CTSS: variants seen among roughly 807,000 people sequenced by gnomAD.
The protein encoded by CTSS is cathepsin S.
In CTSS, 15 loss-of-function variants were observed where a neutral mutation model predicts 39.9. The ratio of observed to expected loss-of-function variants is 0.38; its 90% confidence interval spans 0.25 to 0.58. The LOEUF is 0.58. CTSS is among the 20% of genes least tolerant of loss of function. The probability of loss-of-function intolerance (pLI) is 0.70; values close to 1 mark genes in which losing one functional copy is unlikely to be tolerated. For missense variants in CTSS, 250 were observed against 398.2 expected (o/e 0.63, Z 3.17); for synonymous variants, 126 against 138.2 (o/e 0.91, Z 0.62).
Position 150,733,146 on chromosome 1 carries a change from C to T in CTSS, c.897-1G>A. 2 of 1,604,606 alleles carry T rather than the reference C, an allele frequency of 1.2e-6. No individual in the cohort carries two copies. The highest frequency in any genetic ancestry group is 1.7e-6 in the Non-Finnish European group (2 of 1,174,488). ...TTCTTCACCAAAGTTGTGGCCCCAG[C>T]TTTAGAAAAAGAAATAATACAAAAT... On this transcript the variant is annotated splice_acceptor_variant, in intron 7 of 7. Coordinates refer to ENST00000368985, the MANE Select transcript of CTSS (RefSeq NM_004079.5). LOFTEE classifies it high-confidence loss of function.
chr1:150,763,043 G>A (rs1032977498), intron 2 of CTSS, among the ~76,000 whole-genome samples: 5 of 151,110 alleles, frequency 3.3e-5, no homozygotes, highest in African/African-American at 4.9e-5. Flanking sequence ...ATTAAAAGAC[G>A]AATGGATAAA....
chr1:150,748,012 C>T, intron 6 of CTSS, 133 bp from the exon 7 acceptor site: 2 of 623,772 alleles, frequency 3.2e-6, no homozygotes, highest in East Asian at 3.1e-5. Flanking sequence ...AAGGACATGT[C>T]CAGGCATGGT....
In CTSS at chr1:150,747,902, A is replaced by G. The variant is rs587756697; in HGVS notation, c.794-23T>C. ...CACCTGAGAATCAAATATGGGTGGG[A>G]AAAAAGAGTGAATACTATAGGATAA... is the stretch of plus-strand genomic sequence containing the variant. On this transcript the variant is annotated intron_variant, in intron 6 of 7. Transcript: ENST00000368985. 62 of 1,462,346 alleles carry G rather than the reference A, an allele frequency of 4.2e-5. No individual in the cohort carries two copies. In the African/African-American group the frequency reaches 7.2e-4, roughly 17 times the overall value. The allele number at this position is 1,462,346 out of a possible 1,614,324, so 90.6% of individuals were successfully genotyped here.
chr1:150,749,570 T>TCACCCCGCCCCGCCC (rs1553193891), intron 6 of CTSS, among the ~76,000 whole-genome samples: 4 of 50,638 alleles, frequency 7.9e-5, no homozygotes, highest in Non-Finnish European at 1.2e-4. Flanking sequence ...CCGCCCCGCC[T>TCACCCCGCCCCGCCC]CACCCCGCCC....
intron 2 of CTSS, among the ~76,000 whole-genome samples, chr1:150,764,383 G>A (rs587604363): frequency 5.3e-5 from 8 of 151,980 alleles, no homozygotes; most frequent in Non-Finnish European, 7.4e-5. Flanking sequence ...GATTACAGGC[G>A]CCCACCACCA....
At chr1:150,758,346 G>A (rs1249092413) in intron 2 of CTSS, among the ~76,000 whole-genome samples, 1 of 151,622 alleles carries the variant, frequency 6.6e-6, no homozygotes, top group Non-Finnish European at 1.5e-5. Context: ...CACTGCACCC[G>A]CCCAAAAATA....
At position 150,755,068 on chromosome 1, in the gene CTSS, G is replaced by C; in HGVS notation, c.332C>G (p.Pro111Arg). 6.2e-7 allele frequency: 1 copy of C among 1,614,114 alleles called. No individual in the cohort carries two copies. Among genetic ancestry groups the C allele is most frequent in the Non-Finnish European group, 8.5e-7 (1 of 1,179,990 alleles). The part of the protein sequence containing the change: ...WQRNITYKSN[P>R]NRILPDSVDW... Reference sequence around the variant, plus strand: ...CACAGAATCAGGCAATATCCGATTAGGGTTTGACTTATATGTGATATTTCT... The same window carrying C: ...CACAGAATCAGGCAATATCCGATTACGGTTTGACTTATATGTGATATTTCT... The change falls in exon 4 of 8, where the codon CCT becomes CGT. Residue 111 changes from proline (P) to arginine (R), a missense_variant. By Grantham distance (103) the Pro-to-Arg change is moderately radical (BLOSUM62 -2). Coordinates refer to ENST00000368985, the MANE Select transcript of CTSS (RefSeq NM_004079.5).
At chr1:150,733,226 C>G (rs1329231767) in intron 7 of CTSS, 81 bp from the exon 8 acceptor site, 3 of 1,023,174 alleles carry the variant, frequency 2.9e-6, no homozygotes, top group Non-Finnish European at 4.4e-6. Context: ...TTGTTTTTCT[C>G]CTATAAGTGA....
rs1275261483 is a variant in CTSS, at chr1:150,757,878, T to C, written c.229A>G (p.Met77Val). Residue 77 changes from methionine (M) to valine (V), a missense_variant, in exon 3 of 8, where the codon ATG becomes GTG. Met to Val is a conservative substitution (Grantham distance 21, BLOSUM62 1). Coordinates refer to ENST00000368985, the MANE Select transcript of CTSS (RefSeq NM_004079.5). ...SMGMHSYDLGMNHLGDMTSEE... is the reference protein window; with the variant it reads ...SMGMHSYDLGVNHLGDMTSEE... ...CCTACCATGTCTCCCAGGTGGTTCA[T>C]GCCCAGATCGTATGAGTGCATTCCC... The C allele has an allele frequency of 6.2e-7, 1 of 1,613,996 alleles. No individual in the cohort carries two copies. Among genetic ancestry groups the C allele is most frequent in the Non-Finnish European group, 8.5e-7 (1 of 1,179,920 alleles).
Position 150,732,863 on chromosome 1 carries a change from G to A in CTSS, c.*183C>T. The stretch of plus-strand genomic sequence containing the variant: ...GCCTCAAGTTGATATGCCTGCCTTG[G>A]CCTCCCAAGTACTGGGATTACAGGC... On this transcript the variant is annotated 3_prime_UTR_variant, in exon 8 of 8. Transcript: ENST00000368985. 1 of 417,194 alleles carries A rather than the reference G, an allele frequency of 2.4e-6. No individual in the cohort carries two copies. Among genetic ancestry groups the A allele is most frequent in the Non-Finnish European group, 4.3e-6 (1 of 233,458 alleles). 25.8% of individuals were successfully genotyped at this position (417,194 alleles called of 1,614,324 possible).
At chr1:150,745,323 G>A (rs587677884) in intron 7 of CTSS, among the ~76,000 whole-genome samples, 5 of 152,148 alleles carry the variant, frequency 3.3e-5, no homozygotes, top group African/African-American at 1.2e-4. Context: ...ATTAAGATGA[G>A]GTCATTAGGG....
chr1:150,753,385 C>A (rs974306968), intron 4 of CTSS, among the ~76,000 whole-genome samples: 1 of 152,168 alleles, frequency 6.6e-6, no homozygotes, highest in Non-Finnish European at 1.5e-5. Flanking sequence ...TCTAACGATG[C>A]AAGACTAGCC....
Position 150,732,904 on chromosome 1 carries a change from C to T in CTSS, c.*142G>A, listed in dbSNP as rs751018651. On this transcript the variant is annotated 3_prime_UTR_variant, in exon 8 of 8. Coordinates refer to ENST00000368985, the MANE Select transcript of CTSS (RefSeq NM_004079.5). ...GATTACAGGCGTGAGCCACCGTGCC[C>T]GGCCTCAAACTATATTTTCTAATTA... 6.6e-6 allele frequency: 4 copies of T among 609,156 alleles called. No homozygotes were observed. Among genetic ancestry groups the T allele is most frequent in the African/African-American group, 1.9e-5 (1 of 52,840 alleles). 37.7% of individuals were successfully genotyped at this position (609,156 alleles called of 1,614,324 possible).
Position 150,733,044 on chromosome 1 carries a change from C to A in CTSS, c.*2G>T. 6.2e-7 allele frequency: 1 copy of A among 1,600,060 alleles called. No individual in the cohort carries two copies. The highest frequency in any genetic ancestry group is 8.6e-7 in the Non-Finnish European group (1 of 1,168,152). On this transcript the variant is annotated 3_prime_UTR_variant, in exon 8 of 8. Transcript: ENST00000368985. ...TGATTTGTTATAAAAAGGAGAGATC[C>A]TCTAGATTTCTGGGTAAGAGGGAAA...
intron 6 of CTSS, chr1:150,748,086 T>C: frequency 2.3e-6 from 1 of 434,658 alleles, no homozygotes; most frequent in Non-Finnish European, 4.1e-6. Flanking sequence ...GGTCAAGAGA[T>C]CGAGACCATC....
At chr1:150,733,229 A>G (rs946350033) in intron 7 of CTSS, 84 bp from the exon 8 acceptor site, 18 of 996,278 alleles carry the variant, frequency 1.8e-5, no homozygotes, top group African/African-American at 1.8e-4. Flanking sequence ...TTTTTCTCCT[A>G]TAAGTGATTA....
At chr1:150,752,380 G>C (rs1653025716) in intron 4 of CTSS, among the ~76,000 whole-genome samples, 1 of 152,120 alleles carries the variant, frequency 6.6e-6, no homozygotes, top group Non-Finnish European at 1.5e-5. Context: ...TGATTTCCTT[G>C]ACCTAAAATA....
At chr1:150,740,651 C>G (rs1286217330) in intron 7 of CTSS, among the ~76,000 whole-genome samples, 1 of 152,114 alleles carries the variant, frequency 6.6e-6, no homozygotes, top group African/African-American at 2.4e-5. Flanking sequence ...CTTGGCCTCC[C>G]AAAGTGCTGG....
At chr1:150,737,107 CT>C (rs904372997) in intron 7 of CTSS, among the ~76,000 whole-genome samples, 99 of 146,752 alleles carry the variant, frequency 6.7e-4, no homozygotes, top group Admixed American at 1.1e-3. Flanking sequence ...AGTCCATCTA[CT>C]TTTTTTTTTT....
Sources: allele counts gnomAD v4.1 joint callset (sites outside exome capture counted in the v4.1 genomes callset), GRCh38; gene constraint gnomAD v4.1.1; transcripts MANE v1.5; gene names NCBI Gene and HGNC (gene_info 2026-07-23, HGNC 2026-07-21).